The following PAPSS2 variants were observed in gnomAD, a reference collection of about 807,000 sequenced individuals.
PAPSS2 encodes the protein bifunctional 3'-phosphoadenosine 5'-phosphosulfate synthase 2.
PAPSS2 carries 61 observed loss-of-function variants against 66.5 expected under a neutral mutation model. The observed-to-expected ratio is 0.92, with a 90% CI of 0.75 to 1.14. The LOEUF is 1.14. Ranked by LOEUF, PAPSS2 falls within the 50% of genes most tolerant of loss-of-function variation. The probability of loss-of-function intolerance (pLI) is 0.00; values close to 1 mark genes in which losing one functional copy is unlikely to be tolerated. For missense variants in PAPSS2, 708 were observed against 789.6 expected (o/e 0.90, Z 1.24); for synonymous variants, 289 against 287.5 (o/e 1.01, Z -0.05).
At chr10:87,717,696 G>A (rs1853548897) in intron 7 of PAPSS2, among the ~76,000 whole-genome samples, 1 of 151,998 alleles carries the variant, frequency 6.6e-6, no homozygotes, top group African/African-American at 2.4e-5. Context: ...CTGGGTAGCT[G>A]GGACTACAGG....
Position 87,713,212 on chromosome 10 carries a change from G to A in PAPSS2, c.283G>A (p.Asp95Asn). The A allele has an allele frequency of 6.2e-7, 1 of 1,610,244 alleles. No homozygotes were observed. Among genetic ancestry groups the A allele is most frequent in the Non-Finnish European group, 8.5e-7 (1 of 1,178,810 alleles). ...LNRNLGFSPG[D>N]REENIRRIAE... The stretch of plus-strand genomic sequence containing the variant: ...CAGAAATCTCGGATTCTCTCCTGGG[G>A]ACAGAGAGGAAAATATCCGCCGGAT... The change falls in exon 3 of 13, where the codon GAC becomes AAC. Residue 95 changes from aspartate to asparagine, a missense_variant. Asp to Asn is a conservative substitution (Grantham distance 23, BLOSUM62 1). Coordinates refer to ENST00000456849, the MANE Select transcript of PAPSS2 (RefSeq NM_001015880.2).
At chr10:87,701,233 C>CTTTCTTT (rs1180167328) in intron 1 of PAPSS2, among the ~76,000 whole-genome samples, 2 of 105,798 alleles carry the variant, frequency 1.9e-5, no homozygotes, top group African/African-American at 1.1e-4. Flanking sequence ...TAATAATTTT[C>CTTTCTTT]TTTCTTTTTT....
At chr10:87,739,988 T>C (rs1589443762) in intron 9 of PAPSS2, among the ~76,000 whole-genome samples, 1 of 152,236 alleles carries the variant, frequency 6.6e-6, no homozygotes, top group East Asian at 1.9e-4. Context: ...GAAAAGTACT[T>C]GCACAGTGGT....
intron 8 of PAPSS2, among the ~76,000 whole-genome samples, chr10:87,722,501 G>C (rs559444047): frequency 6.6e-6 from 1 of 152,288 alleles, no homozygotes; most frequent in South Asian, 2.1e-4. Flanking sequence ...AACACAGAAG[G>C]CTTGAAAATT....
chr10:87,679,921 G>A lies in PAPSS2; in HGVS notation c.27+19913G>A, dbSNP rs546155353. ...CGTGCCTGTAGTCCCAGGTACTTGG[G>A]AGGCTGAGGTGGGAGTATCGCTTGA... is the stretch of plus-strand genomic sequence containing the variant. On this transcript the variant is annotated intron_variant, in intron 1 of 12. Transcript: ENST00000456849. Among the ~76,000 whole-genome samples, 17 of 151,954 alleles carry A rather than the reference G, an allele frequency of 1.1e-4. No homozygotes were observed. In the South Asian group the frequency reaches 1.3e-3, roughly 11 times the overall value.
At chr10:87,714,594 T>C in intron 4 of PAPSS2, 151 bp from the exon 5 acceptor site, 1 of 666,440 alleles carries the variant, frequency 1.5e-6, no homozygotes, top group Non-Finnish European at 2.7e-6. Context: ...TTCTTACTTA[T>C]GGCTAGAAGT....
chr10:87,733,590 C>T (rs1853757226), intron 9 of PAPSS2, among the ~76,000 whole-genome samples: 1 of 152,114 alleles, frequency 6.6e-6, no homozygotes, highest in South Asian at 2.1e-4. Context: ...TTAGTTATAT[C>T]AACAGAATCA....
At chr10:87,683,690 ATCTT>A (rs1853053515) in intron 1 of PAPSS2, among the ~76,000 whole-genome samples, 2 of 122,200 alleles carry the variant, frequency 1.6e-5, no homozygotes, top group Admixed American at 8.5e-5. Context: ...TTGAGATAAA[ATCTT>A]TTTTTTTTTT....
chr10:87,734,673 A>ATG (rs1477880995), intron 9 of PAPSS2, among the ~76,000 whole-genome samples: 1 of 108,590 alleles, frequency 9.2e-6, no homozygotes, highest in Non-Finnish European at 1.9e-5. Context: ...GTATATATAT[A>ATG]TATATATATA....
At chr10:87,743,249 A>AG (rs2131730961) in intron 10 of PAPSS2, 124 bp from the exon 11 acceptor site, 1 of 1,094,286 alleles carries the variant, frequency 9.1e-7, no homozygotes, top group East Asian at 2.4e-5. Context: ...TTTCAAAAAA[A>AG]AAAAAAAAAG....
chr10:87,670,107 T>C (rs1002943933), intron 1 of PAPSS2, among the ~76,000 whole-genome samples: 1 of 152,240 alleles, frequency 6.6e-6, no homozygotes, highest in African/African-American at 2.4e-5. Context: ...TATGGTAACA[T>C]AAGGTGAATA....
intron 2 of PAPSS2, 108 bp from the exon 3 acceptor site, chr10:87,712,964 CTTT>C (rs112298562): frequency 1.6e-4 from 96 of 614,886 alleles, no homozygotes; most frequent in South Asian, 1.9e-4. Flanking sequence ...TTCTTTCTTT[CTTT>C]TTTTTTTTTT....
chr10:87,695,267 G>A (rs867010185), intron 1 of PAPSS2, among the ~76,000 whole-genome samples: 2 of 152,204 alleles, frequency 1.3e-5, no homozygotes, highest in Admixed American at 6.5e-5. Flanking sequence ...CGGCCAGGTG[G>A]CTCTGTGGGG....
At chr10:87,721,617 A>G (rs937730878) in intron 7 of PAPSS2, 139 bp from the exon 8 acceptor site, 4 of 619,062 alleles carry the variant, frequency 6.5e-6, no homozygotes, top group Non-Finnish European at 8.6e-6. Flanking sequence ...ATTTTTAAAA[A>G]TAGCATGACA....
chr10:87,714,843 G>C lies in PAPSS2; in HGVS notation c.619G>C (p.Val207Leu). The C allele has an allele frequency of 6.2e-7, 1 of 1,609,166 alleles. No homozygotes were observed. The highest frequency in any genetic ancestry group is 8.5e-7 in the Non-Finnish European group (1 of 1,175,508). ...STVSDCVHQV[V>L]ELLQEQNIVP... Reference sequence around the variant, plus strand: ...AGTGAGTGACTGTGTCCACCAGGTAGTGGAACTTCTGCAAGAGCAGGTAGG... The same window carrying C: ...AGTGAGTGACTGTGTCCACCAGGTACTGGAACTTCTGCAAGAGCAGGTAGG... The change falls in exon 5 of 13, where the codon GTG becomes CTG. Residue 207 changes from valine (V) to leucine (L), a missense_variant. By Grantham distance (32) the Val-to-Leu change is conservative. Coordinates refer to ENST00000456849, the MANE Select transcript of PAPSS2 (RefSeq NM_001015880.2).
chr10:87,666,751 T>G (rs1358863), intron 1 of PAPSS2, among the ~76,000 whole-genome samples: 72,034 of 151,834 alleles, frequency 0.47, 17,522 homozygotes, highest in East Asian at 0.77. Context: ...GGTCGTGGGG[T>G]ATGAATTTGG....
At chr10:87,662,864 T>C (rs958472779) in intron 1 of PAPSS2, among the ~76,000 whole-genome samples, 2 of 151,652 alleles carry the variant, frequency 1.3e-5, no homozygotes, top group African/African-American at 4.9e-5. Context: ...CTTTTCCTTA[T>C]TTATTTTCTT....
chr10:87,727,368 T>A lies in PAPSS2; in HGVS notation c.965T>A (p.Val322Asp). ...KTRLEGCSKFVLAHGGRRVAI... is the reference protein window; with the variant it reads ...KTRLEGCSKFDLAHGGRRVAI... ...CGGCTGGAAGGGTGCAGCAAGTTTGTCCTGGCACATGGTGGACGGAGGGTA... is the reference window on the plus strand; with the variant it reads ...CGGCTGGAAGGGTGCAGCAAGTTTGACCTGGCACATGGTGGACGGAGGGTA... Residue 322 changes from valine (V) to aspartate (D), a missense_variant, in exon 9 of 13, where the codon GTC becomes GAC. Val to Asp is a radical substitution (Grantham distance 152). Transcript: ENST00000456849. The A allele has an allele frequency of 6.2e-7, 1 of 1,614,088 alleles. No individual in the cohort carries two copies. Among genetic ancestry groups the A allele is most frequent in the Non-Finnish European group, 8.5e-7 (1 of 1,179,998 alleles).
intron 1 of PAPSS2, among the ~76,000 whole-genome samples, chr10:87,693,794 C>G (rs190015833): frequency 4.1e-4 from 62 of 152,322 alleles, no homozygotes; most frequent in African/African-American, 1.5e-3. Flanking sequence ...GGATATTTTA[C>G]AAATGCATTT....
Sources: gnomAD v4.1 joint callset for allele counts (sites outside exome capture counted in the v4.1 genomes callset) on GRCh38, gnomAD v4.1.1 for gene constraint, MANE v1.5 for transcripts, NCBI Gene and HGNC (gene_info 2026-07-23, HGNC 2026-07-21) for gene names.